The following MIR2052HG variants were observed in gnomAD, a reference collection of about 807,000 sequenced individuals.
The protein encoded by MIR2052HG is MIR2052 host gene.
At chr8:74,640,291 C>T (rs999076818) in intron 2 of MIR2052HG, among the ~76,000 whole-genome samples, 24 of 151,672 alleles carry the variant, frequency 1.6e-4, no homozygotes, top group Non-Finnish European at 2.2e-4. Flanking sequence ...TATGGTGAAA[C>T]CCCGTCTCTA....
intron 2 of MIR2052HG, among the ~76,000 whole-genome samples, chr8:74,693,604 CG>C (rs1809262093): frequency 8.1e-5 from 1 of 12,414 alleles, no homozygotes; most frequent in Admixed American, 8.9e-4. Context: ...AGTGCTATTG[CG>C]GGGGCGGGGG....
intron 4 of MIR2052HG, among the ~76,000 whole-genome samples, chr8:74,737,341 G>A (rs543052396): frequency 6.1e-4 from 93 of 152,168 alleles, no homozygotes; most frequent in Non-Finnish European, 1.0e-3. Context: ...TTTTGGCCCA[G>A]GAAGATTCTG....
chr8:74,737,021 C>T (rs539950392), intron 4 of MIR2052HG, among the ~76,000 whole-genome samples: 2 of 152,306 alleles, frequency 1.3e-5, no homozygotes, highest in African/African-American at 4.8e-5. Context: ...ACAAAAGGAC[C>T]AGAGGCTACT....
At chr8:74,606,452 C>T (rs1808113415) in intron 1 of MIR2052HG, among the ~76,000 whole-genome samples, 1 of 152,106 alleles carries the variant, frequency 6.6e-6, no homozygotes, top group South Asian at 2.1e-4. Context: ...ATATTTATAA[C>T]ATATGTAGAA....
intron 2 of MIR2052HG, among the ~76,000 whole-genome samples, chr8:74,640,740 A>G (rs1320841688): frequency 1.3e-5 from 2 of 152,014 alleles, no homozygotes; most frequent in Admixed American, 6.6e-5. Flanking sequence ...CTTTCCATAA[A>G]CATCGTCCTT....
At chr8:74,722,422 T>C (rs1809587338) in intron 4 of MIR2052HG, among the ~76,000 whole-genome samples, 1 of 152,202 alleles carries the variant, frequency 6.6e-6, no homozygotes, top group African/African-American at 2.4e-5. Context: ...CCAGCTTACC[T>C]GAAAGATATT....
intron 4 of MIR2052HG, among the ~76,000 whole-genome samples, chr8:74,728,761 G>A (rs1393503745): frequency 6.6e-6 from 1 of 152,088 alleles, no homozygotes; most frequent in Admixed American, 6.6e-5. Flanking sequence ...CAAAGCAGAG[G>A]GCTCACTTTT....
intron 2 of MIR2052HG, among the ~76,000 whole-genome samples, chr8:74,691,192 AG>A (rs1306522820): frequency 2.0e-5 from 3 of 152,218 alleles, no homozygotes; most frequent in African/African-American, 7.2e-5. Context: ...GTGGACAGGC[AG>A]TCTGACTCTA....
intron 2 of MIR2052HG, among the ~76,000 whole-genome samples, chr8:74,672,784 C>T (rs1312970829): frequency 6.6e-6 from 1 of 152,028 alleles, no homozygotes; most frequent in African/African-American, 2.4e-5. Context: ...TTAATATCTG[C>T]TGAATTCTGC....
intron 4 of MIR2052HG, among the ~76,000 whole-genome samples, chr8:74,704,196 G>A (rs1437864729): frequency 6.6e-6 from 1 of 151,896 alleles, no homozygotes; most frequent in Non-Finnish European, 1.5e-5. Context: ...GGAAAGCAGA[G>A]GTCCTTTCCC....
intron 1 of MIR2052HG, among the ~76,000 whole-genome samples, chr8:74,606,408 G>C (rs1348113098): frequency 1.3e-5 from 2 of 152,002 alleles, no homozygotes; most frequent in African/African-American, 2.4e-5. Flanking sequence ...CTAAAAACAG[G>C]GTTAGTGAAA....
At chr8:74,713,461 A>G (rs1036087863) in intron 4 of MIR2052HG, among the ~76,000 whole-genome samples, 1 of 151,926 alleles carries the variant, frequency 6.6e-6, no homozygotes, top group Non-Finnish European at 1.5e-5. Flanking sequence ...ACCTATAAGC[A>G]CTTACATTAT....
At chr8:74,727,999 C>G (rs953140862) in intron 4 of MIR2052HG, among the ~76,000 whole-genome samples, 1 of 150,792 alleles carries the variant, frequency 6.6e-6, no homozygotes, top group Non-Finnish European at 1.5e-5. Flanking sequence ...GCTGCTTCTT[C>G]TATATCTGCT....
chr8:74,604,203 G>T, intron 1 of MIR2052HG: 3 of 905,654 alleles, frequency 3.3e-6, no homozygotes, highest in Middle Eastern at 2.2e-4. Context: ...GTCGGATGGT[G>T]AGAGTGATAT....
chr8:74,743,580 A>G lies in MIR2052HG; in HGVS notation n.372-8861A>G, dbSNP rs1330283400. On this transcript the variant is annotated intron_variant and non_coding_transcript_variant, in intron 4 of 6. Coordinates refer to ENST00000523442, the Ensembl canonical transcript of MIR2052HG. ...ATAGCTTGGAAGACAATCCCAAACA[A>G]TTAAGCCAAGAAAATGTAAACAAAC... Among the ~76,000 whole-genome samples the G allele has an allele frequency of 2.0e-5, 3 of 152,210 alleles. No homozygotes were observed. The East Asian group carries it at 5.8e-4, about 29-fold the overall frequency.
At chr8:74,706,004 G>A (rs530759686) in intron 4 of MIR2052HG, among the ~76,000 whole-genome samples, 2 of 152,082 alleles carry the variant, frequency 1.3e-5, no homozygotes, top group South Asian at 4.1e-4. Context: ...AGGAGACAGG[G>A]TAATAGAAAT....
At chr8:74,631,670 A>G (rs1167249746) in intron 2 of MIR2052HG, among the ~76,000 whole-genome samples, 1 of 152,212 alleles carries the variant, frequency 6.6e-6, no homozygotes. Flanking sequence ...TTGGGCTGCT[A>G]TAACAAAAAT....
At chr8:74,639,434 GT>G (rs959022438) in intron 2 of MIR2052HG, among the ~76,000 whole-genome samples, 4 of 152,148 alleles carry the variant, frequency 2.6e-5, no homozygotes, top group African/African-American at 9.7e-5. Context: ...AATCCAGAAA[GT>G]TTTTTAGGTA....
chr8:74,619,173 T>C (rs1274136303), intron 2 of MIR2052HG, among the ~76,000 whole-genome samples: 3 of 152,162 alleles, frequency 2.0e-5, no homozygotes, highest in African/African-American at 7.2e-5. Flanking sequence ...GAAGAATTAA[T>C]ATTGTTAAAA....
Sources: gnomAD v4.1 joint callset for allele counts (sites outside exome capture counted in the v4.1 genomes callset) on GRCh38, gnomAD v4.1.1 for gene constraint, MANE v1.5 for transcripts, NCBI Gene and HGNC (gene_info 2026-07-23, HGNC 2026-07-21) for gene names.